DTD1: variants seen among roughly 807,000 people sequenced by gnomAD.
DTD1 encodes D-aminoacyl-tRNA deacylase 1, also known as D-tyrosyl-tRNA deacylase 1 homolog.
A neutral mutation model predicts 25.6 loss-of-function variants in DTD1; 13 were observed. The ratio of observed to expected loss-of-function variants is 0.51; its 90% CI spans 0.33 to 0.81. The LOEUF (loss-of-function observed/expected upper bound fraction) is 0.81, where lower values mean the gene tolerates loss of function less well. Ranked by LOEUF, DTD1 falls within the 30% of genes least tolerant of loss-of-function variation. The probability of loss-of-function intolerance (pLI) is 0.02; values close to 1 mark genes in which losing one functional copy is unlikely to be tolerated. For synonymous variants in DTD1, 110 were observed against 103.6 expected (o/e 1.06, Z -0.37); for missense variants, 193 against 266.4 (o/e 0.72, Z 1.92).
rs536132990 is a variant in DTD1 at position 18,601,576 on chromosome 20, T to C, written c.370+5335T>C. Among the ~76,000 whole-genome samples, 30 of 150,554 alleles carry C rather than the reference T, an allele frequency of 2.0e-4. 1 individual carries two copies. In the South Asian group the frequency reaches 6.1e-3, roughly 31 times the overall value. On this transcript the variant is annotated intron_variant, in intron 3 of 5. Coordinates refer to ENST00000377452, the MANE Select transcript of DTD1 (RefSeq NM_080820.6). ...GTCTCCCAGCACGCAGCTGGAGATCTGAGAACCGGCAGACTGCCTCCTCAA... is the reference window on the plus strand; with the variant it reads ...GTCTCCCAGCACGCAGCTGGAGATCCGAGAACCGGCAGACTGCCTCCTCAA...
chr20:18,588,248 C>A, intron 1 of DTD1, 133 bp downstream of exon 1: 1 of 900,592 alleles, frequency 1.1e-6, no homozygotes, highest in Non-Finnish European at 1.4e-6. Flanking sequence ...CCTTCGCGAG[C>A]TCGGTCCGCG....
chr20:18,651,225 C>T (rs1418463993), intron 4 of DTD1, among the ~76,000 whole-genome samples: 1 of 152,186 alleles, frequency 6.6e-6, no homozygotes, highest in South Asian at 2.1e-4. Context: ...GATCTTGGCT[C>T]ACTGCAACCT....
chr20:18,629,296 CTTTTT>C (rs35174616), intron 4 of DTD1, among the ~76,000 whole-genome samples: 2 of 69,222 alleles, frequency 2.9e-5, no homozygotes, highest in Non-Finnish European at 5.2e-5. Flanking sequence ...TGTGCTCGGC[CTTTTT>C]TTTTTTTTTT....
At chr20:18,645,867 T>C (rs6075383) in intron 4 of DTD1, among the ~76,000 whole-genome samples, 77,381 of 152,074 alleles carry the variant, frequency 0.51, 20,060 homozygotes, top group Middle Eastern at 0.58. Context: ...AATGAAATGT[T>C]AGTATTTTAG....
At position 18,665,672 on chromosome 20, in the gene DTD1, C is replaced by T. The variant is rs117854100; in HGVS notation, c.477+37439C>T. Among the ~76,000 whole-genome samples, 28 of 152,326 alleles carry T rather than the reference C, an allele frequency of 1.8e-4. No individual in the cohort carries two copies. In the East Asian group the frequency reaches 5.4e-3, roughly 29 times the overall value. On this transcript the variant is annotated intron_variant, in intron 4 of 5. Transcript: ENST00000377452. Reference sequence around the variant, plus strand: ...GGTTTGATGAGGTACCCATCCTTTACAGCCTTGTTTGCAAGGGTTACTTAG... The same window carrying T: ...GGTTTGATGAGGTACCCATCCTTTATAGCCTTGTTTGCAAGGGTTACTTAG...
At chr20:18,733,977 G>A (rs1239272307) in intron 4 of DTD1, among the ~76,000 whole-genome samples, 1 of 152,178 alleles carries the variant, frequency 6.6e-6, no homozygotes, top group Non-Finnish European at 1.5e-5. Context: ...CATTACACAA[G>A]GACATTTTTT....
intron 4 of DTD1, among the ~76,000 whole-genome samples, chr20:18,656,418 C>A (rs6045540): frequency 0.51 from 77,367 of 152,002 alleles, 20,060 homozygotes; most frequent in Middle Eastern, 0.57. Context: ...GCAAGAGTCT[C>A]CTCCATCTGT....
At chr20:18,683,263 G>A (rs2061004336) in intron 4 of DTD1, among the ~76,000 whole-genome samples, 1 of 152,180 alleles carries the variant, frequency 6.6e-6, no homozygotes, top group Non-Finnish European at 1.5e-5. Flanking sequence ...CATGGATACA[G>A]TGAGTAGCTC....
At chr20:18,657,876 G>C (rs118062767) in intron 4 of DTD1, among the ~76,000 whole-genome samples, 112 of 152,272 alleles carry the variant, frequency 7.4e-4, no homozygotes, top group Non-Finnish European at 1.2e-3. Context: ...CAAGGTGGAG[G>C]CTACAGCGTC....
At chr20:18,671,431 A>AAC (rs1454379731) in intron 4 of DTD1, among the ~76,000 whole-genome samples, 1 of 152,154 alleles carries the variant, frequency 6.6e-6, no homozygotes, top group Non-Finnish European at 1.5e-5. Flanking sequence ...ATCAGCACAG[A>AAC]ACAGCTTGAT....
intron 2 of DTD1, 25 bp downstream of exon 2, chr20:18,593,846 G>A (rs996241969): frequency 1.3e-6 from 2 of 1,580,420 alleles, no homozygotes; most frequent in African/African-American, 1.3e-5. Context: ...TGTCATTGCT[G>A]TTTGAGTGGG....
At chr20:18,741,790 T>C (rs2061279015) in intron 4 of DTD1, among the ~76,000 whole-genome samples, 1 of 152,060 alleles carries the variant, frequency 6.6e-6, no homozygotes, top group South Asian at 2.1e-4. Flanking sequence ...TGACATGATC[T>C]CAACTTACTG....
intron 4 of DTD1, among the ~76,000 whole-genome samples, chr20:18,734,906 G>A (rs532562430): frequency 6.6e-6 from 1 of 152,206 alleles, no homozygotes; most frequent in Non-Finnish European, 1.5e-5. Flanking sequence ...TTTAATTCAT[G>A]TCTTGACTTC....
chr20:18,644,177 A>T (rs1435997671), intron 4 of DTD1, among the ~76,000 whole-genome samples: 2 of 152,094 alleles, frequency 1.3e-5, no homozygotes, highest in Non-Finnish European at 2.9e-5. Context: ...GGTAATAGAA[A>T]ATTGCTCCTT....
intron 4 of DTD1, among the ~76,000 whole-genome samples, chr20:18,684,555 G>A (rs146991459): frequency 0.011 from 1,741 of 152,200 alleles, 30 homozygotes; most frequent in African/African-American, 0.039. Context: ...CCAAAGTGCT[G>A]GGATTACAGG....
chr20:18,743,710 A>G (rs1382810196), intron 4 of DTD1, among the ~76,000 whole-genome samples: 1 of 151,844 alleles, frequency 6.6e-6, no homozygotes, highest in African/African-American at 2.4e-5. Context: ...AAAAGAAAAA[A>G]GAAAACAACA....
intron 4 of DTD1, among the ~76,000 whole-genome samples, chr20:18,703,070 T>A (rs903196994): frequency 1.3e-5 from 2 of 152,212 alleles, no homozygotes; most frequent in Non-Finnish European, 2.9e-5. Flanking sequence ...TTTCAATAAT[T>A]TTTTTCCCTA....
At chr20:18,719,887 G>A (rs940149075) in intron 4 of DTD1, among the ~76,000 whole-genome samples, 1 of 152,176 alleles carries the variant, frequency 6.6e-6, no homozygotes, top group Admixed American at 6.5e-5. Flanking sequence ...CTAGAAATCT[G>A]GTTCTTGAGT....
intron 1 of DTD1, chr20:18,588,737 C>G: frequency 2.0e-6 from 2 of 985,306 alleles, no homozygotes; most frequent in Non-Finnish European, 2.4e-6. Context: ...GGGTCGGGAT[C>G]TAAAGAATTC....
Sources: allele counts gnomAD v4.1 joint callset (sites outside exome capture counted in the v4.1 genomes callset), GRCh38; gene constraint gnomAD v4.1.1; transcripts MANE v1.5; gene names NCBI Gene and HGNC (gene_info 2026-07-23, HGNC 2026-07-21).